ABLIM3: variants seen among roughly 807,000 people sequenced by gnomAD.
The protein encoded by ABLIM3 is actin binding LIM protein family member 3.
In ABLIM3, 61 loss-of-function variants were observed where a neutral mutation model predicts 109.5. The observed-to-expected ratio is 0.56, with a 90% CI of 0.45 to 0.69. ABLIM3 has a LOEUF of 0.69. Ranked by LOEUF, ABLIM3 falls within the 30% of genes least tolerant of loss-of-function variation. ABLIM3 has a pLI of 0.00. For missense variants in ABLIM3, 796 were observed against 889.5 expected, an observed-to-expected ratio of 0.89 and a Z score of 1.34; for synonymous variants, 300 against 324.8, an observed-to-expected ratio of 0.92 and a Z score of 0.82.
chr5:149,239,613 T>C (rs1176670756), intron 12 of ABLIM3, 146 bp from the exon 13 acceptor site: 90 of 1,161,722 alleles, frequency 7.7e-5, no homozygotes, highest in Non-Finnish European at 1.1e-4. Flanking sequence ...GCTGTGTGTG[T>C]AACTCAGGGA....
Position 149,252,193 on chromosome 5 carries a change from C to T in ABLIM3, c.1850-8C>T. Reference sequence around the variant, plus strand: ...ATTCTGTGTGTGTGTCTCTTTTTCTCTCTGCAGAGTACAAGGTAAAGGATG... The same window carrying T: ...ATTCTGTGTGTGTGTCTCTTTTTCTTTCTGCAGAGTACAAGGTAAAGGATG... On this transcript the variant is annotated splice_polypyrimidine_tract_variant and splice_region_variant and intron_variant, in intron 21 of 23. Coordinates refer to ENST00000309868, the MANE Select transcript of ABLIM3 (RefSeq NM_014945.5). 1 of 1,613,748 alleles carries T rather than the reference C, an allele frequency of 6.2e-7. No individual in the cohort carries two copies. Among genetic ancestry groups the T allele is most frequent in the Non-Finnish European group, 8.5e-7 (1 of 1,179,770 alleles).
At chr5:149,153,931 G>A (rs540074045) in intron 2 of ABLIM3, among the ~76,000 whole-genome samples, 17 of 152,282 alleles carry the variant, frequency 1.1e-4, no homozygotes, top group Non-Finnish European at 2.2e-4. Flanking sequence ...ACCTTCTCTC[G>A]CAGCAGAATG....
chr5:149,178,921 A>C (rs1324056674), intron 2 of ABLIM3, among the ~76,000 whole-genome samples: 45 of 152,176 alleles, frequency 3.0e-4, no homozygotes, highest in Non-Finnish European at 4.4e-5. Context: ...TGACGTGCCC[A>C]AAATTAGAAC....
intron 2 of ABLIM3, among the ~76,000 whole-genome samples, chr5:149,153,314 C>T (rs1340931236): frequency 1.3e-5 from 2 of 152,218 alleles, no homozygotes; most frequent in Non-Finnish European, 2.9e-5. Flanking sequence ...TCCCTTTCCT[C>T]CACTCTCCTG....
At chr5:149,174,479 G>A (rs1755747688) in intron 2 of ABLIM3, 2 of 152,152 alleles carry the variant, frequency 1.3e-5, no homozygotes, top group South Asian at 2.1e-4. Flanking sequence ...AAAGACCAGG[G>A]GACTGAGTCA....
At position 149,242,511 on chromosome 5, in the gene ABLIM3, C is replaced by G. The variant is rs984646252; in HGVS notation, c.1324C>G (p.Arg442Gly). 1 of 1,614,062 alleles carries G rather than the reference C, an allele frequency of 6.2e-7. No homozygotes were observed. The highest frequency in any genetic ancestry group is 8.5e-7 in the Non-Finnish European group (1 of 1,180,012). The change falls in exon 15 of 24, where the codon CGG (arginine) becomes GGG (glycine). Residue 442 changes from arginine to glycine, a missense_variant. Transcript: ENST00000309868. ...HIPAGDSNIY[R>G]KPPIYKRHGD... is the part of the protein sequence containing the mutation. ...GGCAGCTGGAGACAGTAACATCTAC[C>G]GGAAACCCCCGATCTACAAACGGCA...
intron 3 of ABLIM3, among the ~76,000 whole-genome samples, chr5:149,186,232 GGT>G (rs1456039977): frequency 1.3e-5 from 2 of 152,042 alleles, no homozygotes; most frequent in Non-Finnish European, 1.5e-5. Flanking sequence ...TGGCCAACAT[GGT>G]GAAACCCCAC....
At chr5:149,195,987 A>C (rs576364308) in intron 3 of ABLIM3, among the ~76,000 whole-genome samples, 169 of 152,342 alleles carry the variant, frequency 1.1e-3, no homozygotes, top group African/African-American at 3.9e-3. Flanking sequence ...TCAGTTCTAA[A>C]AGAAAAGCTC....
At chr5:149,194,520 G>T (rs1757772914) in intron 3 of ABLIM3, among the ~76,000 whole-genome samples, 1 of 152,196 alleles carries the variant, frequency 6.6e-6, no homozygotes, top group Admixed American at 6.5e-5. Flanking sequence ...GCAAAAAACT[G>T]CAAGTAGCTC....
intron 15 of ABLIM3, 177 bp from the exon 16 acceptor site, chr5:149,244,704 G>A: frequency 2.7e-6 from 2 of 733,434 alleles, no homozygotes; most frequent in Admixed American, 2.6e-5. Context: ...CAAAATGAGG[G>A]TTTGGCCCCA....
At chr5:149,255,737 G>A (rs537277045) in intron 23 of ABLIM3, among the ~76,000 whole-genome samples, 45 of 152,310 alleles carry the variant, frequency 3.0e-4, no homozygotes, top group Admixed American at 2.7e-3. Flanking sequence ...AGTGTGTCTA[G>A]GGTCACAGGA....
At chr5:149,152,148 C>T (rs1023142797) in intron 2 of ABLIM3, among the ~76,000 whole-genome samples, 1 of 152,162 alleles carries the variant, frequency 6.6e-6, no homozygotes, top group African/African-American at 2.4e-5. Flanking sequence ...ATTTTTCTTC[C>T]TAACAGCAAT....
At chr5:149,236,531 T>C (rs1371046870) in intron 10 of ABLIM3, among the ~76,000 whole-genome samples, 3 of 152,076 alleles carry the variant, frequency 2.0e-5, no homozygotes, top group Non-Finnish European at 4.4e-5. Flanking sequence ...GGAAAAGGCA[T>C]GGCTTCAGGG....
chr5:149,185,038 G>A (rs1756821736), intron 3 of ABLIM3, among the ~76,000 whole-genome samples: 2 of 152,204 alleles, frequency 1.3e-5, no homozygotes, highest in African/African-American at 2.4e-5. Context: ...GAGGCGGGAC[G>A]AAGGGTAAAG....
In ABLIM3 at chr5:149,258,356, G is replaced by C; in HGVS notation, c.2004G>C (p.Leu668=). The change falls in exon 24 of 24, where the codon CTG becomes CTC. Residue 668 remains leucine, a synonymous_variant. Transcript: ENST00000309868. The part of the protein sequence containing the change: ...FGMTISEFDR[L]ALWKRNELKK... ...TGACCATCTCTGAGTTTGACCGGCT[G>C]GCCCTCTGGAAGAGGAATGAACTGA... 1 of 1,613,902 alleles carries C rather than the reference G, an allele frequency of 6.2e-7. No homozygotes were observed. The highest frequency in any genetic ancestry group is 1.1e-5 in the South Asian group (1 of 91,064).
At chr5:149,248,859 GACACACACACACACAC>G (rs55707887) in intron 18 of ABLIM3, among the ~76,000 whole-genome samples, 3,543 of 144,678 alleles carry the variant, frequency 0.024, 147 homozygotes, top group African/African-American at 0.086. Context: ...CCTATTCCTG[GACACACACACACACAC>G]ACACACACAC....
Position 149,258,601 on chromosome 5 carries a change from T to C in ABLIM3, c.*197T>C. ...TTTCTCTTTTCTAAGTGCTGTGGGA[T>C]CTGGGAAGGGATTTGAGGGGACTCT... On this transcript the variant is annotated 3_prime_UTR_variant, in exon 24 of 24. Coordinates refer to ENST00000309868, the MANE Select transcript of ABLIM3 (RefSeq NM_014945.5). 1 of 1,340,848 alleles carries C rather than the reference T, an allele frequency of 7.5e-7. No homozygotes were observed. The allele number at this position is 1,340,848 out of a possible 1,614,324, so 83.1% of individuals were successfully genotyped here.
At position 149,247,845 on chromosome 5, in the gene ABLIM3, G is replaced by T; in HGVS notation, c.1615G>T (p.Ala539Ser). The T allele has an allele frequency of 6.2e-7, 1 of 1,614,262 alleles. No homozygotes were observed. The highest frequency in any genetic ancestry group is 8.5e-7 in the Non-Finnish European group (1 of 1,180,044). ...EEMKARSSSY[A>S]DPWTPPRSST... The stretch of plus-strand genomic sequence containing the variant: ...AATGAAGGCCCGGTCGAGCTCCTAT[G>T]CAGATCCCTGGACCCCTCCCCGGAG... The change falls in exon 18 of 24, where the codon GCA (alanine) becomes TCA (serine). Residue 539 changes from alanine (A) to serine (S), a missense_variant. Coordinates refer to ENST00000309868, the MANE Select transcript of ABLIM3 (RefSeq NM_014945.5).
rs1022650707 is a variant in ABLIM3 at position 149,253,484 on chromosome 5, A to C, written c.1938+647A>C. Reference sequence around the variant, plus strand: ...AAGAGAAGTGAGTGAGCCAGTACCCATAAAGCCCTTAGCATGGAGTCTGGC... The same window carrying C: ...AAGAGAAGTGAGTGAGCCAGTACCCCTAAAGCCCTTAGCATGGAGTCTGGC... On this transcript the variant is annotated intron_variant, in intron 23 of 23. Coordinates refer to ENST00000309868, the MANE Select transcript of ABLIM3 (RefSeq NM_014945.5). 7.2e-5 allele frequency among the ~76,000 whole-genome samples: 11 copies of C among 152,238 alleles called. 1 individual carries two copies. The highest frequency in any genetic ancestry group is 2.7e-4 in the African/African-American group (11 of 41,466).
Sources: gnomAD v4.1 joint callset for allele counts (sites outside exome capture counted in the v4.1 genomes callset) on GRCh38, gnomAD v4.1.1 for gene constraint, MANE v1.5 for transcripts, NCBI Gene and HGNC (gene_info 2026-07-23, HGNC 2026-07-21) for gene names.